The following LDB2 variants were observed in gnomAD, a reference collection of about 807,000 sequenced individuals.
LDB2 encodes the protein LIM domain-binding protein 2.
Under a neutral mutation model 44.3 loss-of-function variants are expected in LDB2, and 12 were observed. That is an observed-to-expected ratio of 0.27 (90% CI 0.17 to 0.44). The LOEUF (loss-of-function observed/expected upper bound fraction) is 0.44, where lower values mean the gene tolerates loss of function less well. LDB2 is among the 20% of genes least tolerant of loss of function. The pLI is 1.00. For synonymous variants in LDB2, 164 were observed against 174.8 expected (o/e 0.94, Z 0.49); for missense variants, 344 against 473.5 (o/e 0.73, Z 2.54).
chr4:16,797,432 C>T (rs982192247), intron 1 of LDB2, among the ~76,000 whole-genome samples: 22 of 152,028 alleles, frequency 1.4e-4, no homozygotes, highest in African/African-American at 4.6e-4. Context: ...TTCTCTCTAC[C>T]GTCATTGCAA....
chr4:16,670,242 A>T (rs62296952), intron 2 of LDB2, among the ~76,000 whole-genome samples: 1,547 of 152,308 alleles, frequency 0.01, 16 homozygotes, highest in Non-Finnish European at 0.018. Flanking sequence ...AGGACAGTCT[A>T]CTGGTACAAG....
intron 1 of LDB2, among the ~76,000 whole-genome samples, chr4:16,859,805 A>G (rs1711886399): frequency 6.6e-6 from 1 of 152,246 alleles, no homozygotes; most frequent in South Asian, 2.1e-4. Flanking sequence ...TGTGCCAGAC[A>G]CATTTCGTAA....
At chr4:16,814,438 A>C (rs1780532866) in intron 1 of LDB2, among the ~76,000 whole-genome samples, 1 of 152,234 alleles carries the variant, frequency 6.6e-6, no homozygotes, top group Non-Finnish European at 1.5e-5. Flanking sequence ...CTGCAATTGA[A>C]TAAAACCATG....
At chr4:16,795,225 C>A (rs1776514298) in intron 1 of LDB2, among the ~76,000 whole-genome samples, 1 of 152,080 alleles carries the variant, frequency 6.6e-6, no homozygotes. Context: ...GAAGAGAGAG[C>A]CTGGGGAAGA....
At chr4:16,562,044 C>T (rs1480122621) in intron 5 of LDB2, among the ~76,000 whole-genome samples, 1 of 152,162 alleles carries the variant, frequency 6.6e-6, no homozygotes, top group East Asian at 1.9e-4. Context: ...GGATCCCTTC[C>T]TTACATCTTA....
intron 1 of LDB2, among the ~76,000 whole-genome samples, chr4:16,813,973 G>A (rs1219018316): frequency 6.6e-6 from 1 of 151,820 alleles, no homozygotes; most frequent in Non-Finnish European, 1.5e-5. Context: ...CCAGGTTCAG[G>A]CCATTCTCCT....
At chr4:16,505,360 C>CGTGT (rs570015306) in intron 7 of LDB2, among the ~76,000 whole-genome samples, 2 of 149,500 alleles carry the variant, frequency 1.3e-5, no homozygotes, top group African/African-American at 4.9e-5. Flanking sequence ...AGAGAGAGAG[C>CGTGT]GTGTGTGTGT....
intron 2 of LDB2, among the ~76,000 whole-genome samples, chr4:16,727,015 T>C (rs1759635722): frequency 6.6e-6 from 1 of 152,204 alleles, no homozygotes; most frequent in South Asian, 2.1e-4. Context: ...AAAAATGGTA[T>C]AATTAAGGTG....
chr4:16,743,703 GA>G (rs932712371), intron 2 of LDB2, among the ~76,000 whole-genome samples: 12 of 150,390 alleles, frequency 8.0e-5, no homozygotes, highest in East Asian at 1.9e-4. Context: ...TTAATAGCCA[GA>G]AAAAAAAACC....
chr4:16,853,677 C>G (rs62298188), intron 1 of LDB2, among the ~76,000 whole-genome samples: 34,280 of 152,084 alleles, frequency 0.23, 4,182 homozygotes, highest in South Asian at 0.39. Flanking sequence ...ATTTGCACTC[C>G]CATGTTCATT....
At chr4:16,575,893 C>T (rs976717743) in intron 5 of LDB2, among the ~76,000 whole-genome samples, 13 of 152,176 alleles carry the variant, frequency 8.5e-5, no homozygotes, top group African/African-American at 2.9e-4. Flanking sequence ...CCTGCCATCA[C>T]GCCTGGCTAT....
chr4:16,601,067 C>T (rs75400649), intron 2 of LDB2, among the ~76,000 whole-genome samples: 184 of 151,800 alleles, frequency 1.2e-3, no homozygotes, highest in African/African-American at 3.5e-3. Flanking sequence ...TGAAAATATT[C>T]GAACTAGTTA....
chr4:16,667,676 G>A (rs1743660141), intron 2 of LDB2, among the ~76,000 whole-genome samples: 1 of 152,240 alleles, frequency 6.6e-6, no homozygotes, highest in South Asian at 2.1e-4. Flanking sequence ...CTCATGGGGA[G>A]CAACCGCATA....
At chr4:16,719,178 A>C (rs773848356) in intron 2 of LDB2, among the ~76,000 whole-genome samples, 1 of 152,130 alleles carries the variant, frequency 6.6e-6, no homozygotes, top group Non-Finnish European at 1.5e-5. Context: ...TTCTTGACAT[A>C]AATATGATTC....
intron 2 of LDB2, among the ~76,000 whole-genome samples, chr4:16,665,268 C>CTTTTT: frequency 7.9e-6 from 1 of 127,226 alleles, no homozygotes. Flanking sequence ...TTTTTCATTT[C>CTTTTT]TTTTTTTTTT....
intron 2 of LDB2, among the ~76,000 whole-genome samples, chr4:16,755,839 A>C (rs2109163705): frequency 6.6e-6 from 1 of 152,234 alleles, no homozygotes; most frequent in South Asian, 2.1e-4. Context: ...GGGCGGGGGC[A>C]GGCAAGTGGC....
intron 2 of LDB2, among the ~76,000 whole-genome samples, chr4:16,729,218 AAC>A (rs1760199062): frequency 1.3e-5 from 2 of 152,246 alleles, no homozygotes; most frequent in Non-Finnish European, 1.5e-5. Flanking sequence ...TAAGAACAAA[AAC>A]ACAAACCCTC....
chr4:16,648,900 G>T (rs1317776772), intron 2 of LDB2, among the ~76,000 whole-genome samples: 2 of 152,060 alleles, frequency 1.3e-5, no homozygotes, highest in Non-Finnish European at 2.9e-5. Flanking sequence ...TCTGAAATTT[G>T]AATGTTCTAA....
intron 1 of LDB2, among the ~76,000 whole-genome samples, chr4:16,766,200 C>T (rs1319254629): frequency 6.6e-6 from 1 of 152,004 alleles, no homozygotes; most frequent in African/African-American, 2.4e-5. Context: ...CTCATGAAAA[C>T]CATATGGATC....
Sources: gnomAD v4.1 joint callset for allele counts (sites outside exome capture counted in the v4.1 genomes callset) on GRCh38, gnomAD v4.1.1 for gene constraint, MANE v1.5 for transcripts, NCBI Gene and HGNC (gene_info 2026-07-23, HGNC 2026-07-21) for gene names.